The following PCDHGB2 variants were observed in gnomAD, a reference collection of about 807,000 sequenced individuals.
PCDHGB2 encodes protocadherin gamma subfamily B, 2, also known as protocadherin gamma-B2.
PCDHGB2 carries 55 observed loss-of-function variants against 59.3 expected under a neutral mutation model. That is an observed-to-expected ratio of 0.93 (90% CI 0.75 to 1.16). The LOEUF (loss-of-function observed/expected upper bound fraction) is 1.16. PCDHGB2 is among the 50% of genes most tolerant of loss of function. The probability of loss-of-function intolerance (pLI) is 0.00; values close to 1 mark genes in which losing one functional copy is unlikely to be tolerated. For missense variants in PCDHGB2, 1,228 were observed against 1,198.5 expected, an observed-to-expected ratio of 1.02 and a Z score of -0.36; for synonymous variants, 516 against 512.0, an observed-to-expected ratio of 1.01 and a Z score of -0.11.
At chr5:141,408,885 T>G in intron 1 of PCDHGB2, 1 of 1,613,020 alleles carries the variant, frequency 6.2e-7, no homozygotes, top group Middle Eastern at 1.6e-4. Context: ...ACCGCTCACA[T>G]AGAAATTTCT....
intron 1 of PCDHGB2, among the ~76,000 whole-genome samples, chr5:141,438,579 CATACATACATACAT>C (rs1434774868): frequency 9.0e-5 from 5 of 55,782 alleles, no homozygotes; most frequent in Admixed American, 2.8e-4. Context: ...GATATACATA[CATACATACATACAT>C]ATATATATAT....
At chr5:141,376,213 G>A (rs754053100) in intron 1 of PCDHGB2, 3 of 1,614,224 alleles carry the variant, frequency 1.9e-6, no homozygotes, top group South Asian at 1.1e-5. Flanking sequence ...TCGTCATCGT[G>A]CTGCTGGCGC....
At position 141,384,374 on chromosome 5, in the gene PCDHGB2, C is replaced by T; in HGVS notation, c.2421+21818C>T. 3.1e-6 allele frequency: 5 copies of T among 1,613,920 alleles called. No individual in the cohort carries two copies. In the South Asian group the frequency reaches 5.5e-5, roughly 18 times the overall value. ...AATGCCCAGATCACTTATTCCTTGG[C>T]CGAAGACACCATCCAGGGGGCTCCA... is the stretch of plus-strand genomic sequence containing the variant. On this transcript the variant is annotated intron_variant, in intron 1 of 3. Transcript: ENST00000522605.
intron 1 of PCDHGB2, chr5:141,371,473 C>T: frequency 6.2e-7 from 1 of 1,613,958 alleles, no homozygotes; most frequent in Admixed American, 1.7e-5. Flanking sequence ...CAAGAAGATG[C>T]TGAGCTGGGG....
chr5:141,410,023 C>G, intron 1 of PCDHGB2: 1 of 1,613,310 alleles, frequency 6.2e-7, no homozygotes, highest in Non-Finnish European at 8.5e-7. Context: ...TGTCCTACCA[C>G]GTGCTGCAGG....
At chr5:141,398,644 T>C (rs772408476) in intron 1 of PCDHGB2, 7 of 1,613,908 alleles carry the variant, frequency 4.3e-6, no homozygotes, top group Non-Finnish European at 5.9e-6. Context: ...GTATAAACTC[T>C]CTCTTAACCC....
chr5:141,403,161 G>A (rs1435695987), intron 1 of PCDHGB2: 12 of 1,614,026 alleles, frequency 7.4e-6, no homozygotes, highest in Non-Finnish European at 1.0e-5. Context: ...GTCTCTAGAG[G>A]TAGGACGCAG....
chr5:141,457,422 TC>T (rs1038085994), intron 1 of PCDHGB2, among the ~76,000 whole-genome samples: 1 of 151,626 alleles, frequency 6.6e-6, no homozygotes, highest in African/African-American at 2.4e-5. Context: ...CATCCCTTTT[TC>T]CCCCCCACCA....
chr5:141,485,229 T>G lies in PCDHGB2; in HGVS notation c.2422-9578T>G, dbSNP rs2099609870. ...ATCTGGCGGTGGGCTACCCTTTTGT[T>G]CCTCTTTTACCACCTGGGTTACGTT... is the stretch of plus-strand genomic sequence containing the variant. On this transcript the variant is annotated intron_variant, in intron 1 of 3. Coordinates refer to ENST00000522605, the MANE Select transcript of PCDHGB2 (RefSeq NM_018923.3). The surrounding 1 kb of genome is among the most constrained non-coding windows in gnomAD (Gnocchi z 5.7). 6.2e-7 allele frequency: 1 copy of G among 1,614,042 alleles called. No individual in the cohort carries two copies. The highest frequency in any genetic ancestry group is 8.5e-7 in the Non-Finnish European group (1 of 1,180,030).
intron 1 of PCDHGB2, chr5:141,427,818 G>T: frequency 6.5e-7 from 1 of 1,530,644 alleles, no homozygotes; most frequent in Non-Finnish European, 9.0e-7. Flanking sequence ...GAGCGGGGTG[G>T]TGGTCGCGCA....
chr5:141,366,362 A>G (rs768343198), intron 1 of PCDHGB2: 1 of 1,613,968 alleles, frequency 6.2e-7, no homozygotes, highest in Non-Finnish European at 8.5e-7. Context: ...CCTAGGCAGT[A>G]TCAAGACCCC....
intron 1 of PCDHGB2, chr5:141,403,092 A>G (rs764199669): frequency 6.2e-7 from 1 of 1,614,086 alleles, no homozygotes; most frequent in East Asian, 2.2e-5. Flanking sequence ...ATTGTGGGCA[A>G]CATCTCCAAG....
chr5:141,431,237 C>A lies in PCDHGB2; in HGVS notation c.2422-63570C>A. 1 of 1,614,170 alleles carries A rather than the reference C, an allele frequency of 6.2e-7. No homozygotes were observed. Among genetic ancestry groups the A allele is most frequent in the Non-Finnish European group, 8.5e-7 (1 of 1,180,044 alleles). The stretch of plus-strand genomic sequence containing the variant: ...GTTCCCTCTACCCCACGCCTGGGAT[C>A]CGGATATCGGGAAGAACTCTCTGCA... On this transcript the variant is annotated intron_variant, in intron 1 of 3. Transcript: ENST00000522605. The surrounding 1 kb of genome is among the most constrained non-coding windows in gnomAD (Gnocchi z 4.8).
intron 1 of PCDHGB2, among the ~76,000 whole-genome samples, chr5:141,457,029 C>G (rs2098904194): frequency 6.6e-6 from 1 of 152,170 alleles, no homozygotes; most frequent in Non-Finnish European, 1.5e-5. Flanking sequence ...TCCTAGTAGA[C>G]TCAGTGATAG....
At chr5:141,362,612 G>T (rs774081313) in intron 1 of PCDHGB2, 56 bp downstream of exon 1, 1 of 1,553,624 alleles carries the variant, frequency 6.4e-7, no homozygotes, top group Admixed American at 1.9e-5. Flanking sequence ...CCTAATTTGG[G>T]TAGGAAGTTC....
At chr5:141,427,999 T>C (rs1319115693) in intron 1 of PCDHGB2, 9 of 1,601,068 alleles carry the variant, frequency 5.6e-6, no homozygotes, top group African/African-American at 1.3e-5. Context: ...GGCTCCGCAC[T>C]CTTCGATATA....
intron 1 of PCDHGB2, chr5:141,393,026 G>A (rs1215893899): frequency 1.2e-6 from 2 of 1,613,832 alleles, no homozygotes; most frequent in East Asian, 4.5e-5. Context: ...CCAGAGGTAG[G>A]ACGCAGCTCT....
intron 1 of PCDHGB2, among the ~76,000 whole-genome samples, chr5:141,492,711 C>T (rs927567393): frequency 4.6e-5 from 7 of 152,254 alleles, no homozygotes; most frequent in East Asian, 3.8e-4. Flanking sequence ...AAGCCTCGAG[C>T]AGGCGGACAG....
chr5:141,389,284 C>A, intron 1 of PCDHGB2: 1 of 1,614,048 alleles, frequency 6.2e-7, no homozygotes, highest in Non-Finnish European at 8.5e-7. Flanking sequence ...CCGCCTGGAG[C>A]CTCTATTTCA....
Sources: allele counts gnomAD v4.1 joint callset (sites outside exome capture counted in the v4.1 genomes callset), GRCh38; gene constraint gnomAD v4.1.1; non-coding constraint Gnocchi (gnomAD v3.1); transcripts MANE v1.5; gene names NCBI Gene and HGNC (gene_info 2026-07-23, HGNC 2026-07-21).